Variants in CDK17 observed in about 807,000 individuals in gnomAD.
CDK17 encodes the protein cyclin-dependent kinase 17.
CDK17 carries 24 observed loss-of-function variants against 77.6 expected under a neutral mutation model. That is an observed-to-expected ratio of 0.31 (90% CI 0.22 to 0.44). CDK17 has a LOEUF of 0.44. Ranked by LOEUF, CDK17 falls within the 20% of genes least tolerant of loss-of-function variation. CDK17 has a pLI of 1.00. For missense variants in CDK17, 429 were observed against 622.5 expected (o/e 0.69, Z 3.31); for synonymous variants, 203 against 210.4 (o/e 0.96, Z 0.30).
At chr12:96,392,624 G>A (rs970525925) in intron 1 of CDK17, among the ~76,000 whole-genome samples, 3 of 152,194 alleles carry the variant, frequency 2.0e-5, no homozygotes, top group Non-Finnish European at 2.9e-5. Context: ...AAAGTTTTTG[G>A]CTTACGTGAC....
chr12:96,388,240 G>A (rs1954009291), intron 1 of CDK17, among the ~76,000 whole-genome samples: 2 of 152,208 alleles, frequency 1.3e-5, no homozygotes, highest in Non-Finnish European at 2.9e-5. Context: ...ACAGAACAGG[G>A]AAAATGGTTC....
intron 1 of CDK17, among the ~76,000 whole-genome samples, chr12:96,339,032 A>G (rs1953086405): frequency 1.3e-5 from 2 of 152,052 alleles, no homozygotes; most frequent in South Asian, 4.2e-4. Flanking sequence ...ATCCGACTAT[A>G]CAGACATCAC....
At chr12:96,290,131 T>C (rs1354339380) in intron 10 of CDK17, among the ~76,000 whole-genome samples, 1 of 152,152 alleles carries the variant, frequency 6.6e-6, no homozygotes. Context: ...CCATGGGCCA[T>C]GGGTTGGACA....
intron 10 of CDK17, among the ~76,000 whole-genome samples, chr12:96,294,724 G>A (rs1194349827): frequency 1.3e-5 from 2 of 151,566 alleles, no homozygotes; most frequent in African/African-American, 4.9e-5. Flanking sequence ...GTACAATTTT[G>A]GTAATATATT....
chr12:96,325,542 C>A, intron 2 of CDK17, among the ~76,000 whole-genome samples: 1 of 152,194 alleles, frequency 6.6e-6, no homozygotes, highest in East Asian at 1.9e-4. Context: ...GTGGCCTGAG[C>A]CTCTACGAAT....
At chr12:96,342,247 TTC>T (rs1314205348) in intron 1 of CDK17, among the ~76,000 whole-genome samples, 1 of 152,232 alleles carries the variant, frequency 6.6e-6, no homozygotes, top group Non-Finnish European at 1.5e-5. Flanking sequence ...TAAGCAAATA[TTC>T]TGTTATTTTC....
At chr12:96,392,440 A>G (rs1025770096) in intron 1 of CDK17, among the ~76,000 whole-genome samples, 1 of 152,240 alleles carries the variant, frequency 6.6e-6, no homozygotes, top group Non-Finnish European at 1.5e-5. Context: ...TTAAAATGGG[A>G]CAAAACTGGA....
At chr12:96,322,919 C>T (rs1187980112) in intron 3 of CDK17, among the ~76,000 whole-genome samples, 11 of 152,072 alleles carry the variant, frequency 7.2e-5, no homozygotes, top group Non-Finnish European at 1.6e-4. Flanking sequence ...TCTGTAGAGA[C>T]ACACCTACAG....
chr12:96,335,045 G>A (rs1227784219), intron 1 of CDK17, 180 bp from the exon 2 acceptor site: 2 of 649,978 alleles, frequency 3.1e-6, no homozygotes, highest in South Asian at 3.0e-5. Flanking sequence ...GAATAATGCT[G>A]TATTTATTTG....
At chr12:96,309,300 AC>A (rs111426921) in intron 5 of CDK17, among the ~76,000 whole-genome samples, 21,114 of 152,190 alleles carry the variant, frequency 0.14, 1,631 homozygotes, top group South Asian at 0.28. Flanking sequence ...TTTTTGACTG[AC>A]AAATTTCTGC....
intron 1 of CDK17, among the ~76,000 whole-genome samples, chr12:96,347,614 A>C (rs1648480196): frequency 5.6e-5 from 1 of 17,936 alleles, no homozygotes; most frequent in Non-Finnish European, 1.1e-4. Flanking sequence ...AAGGGAGGGG[A>C]AGGGAGGGGA....
intron 1 of CDK17, among the ~76,000 whole-genome samples, chr12:96,395,661 G>A (rs1954156900): frequency 6.6e-6 from 1 of 152,174 alleles, no homozygotes; most frequent in Admixed American, 6.6e-5. Context: ...ACATGTTGAA[G>A]TCCAAACCTC....
chr12:96,288,667 G>A (rs184688374), intron 11 of CDK17, among the ~76,000 whole-genome samples: 41 of 152,254 alleles, frequency 2.7e-4, no homozygotes, highest in African/African-American at 7.2e-4. Flanking sequence ...TGGCAATAAC[G>A]GTGTCTGAGT....
At chr12:96,387,799 C>T (rs1263212675) in intron 1 of CDK17, among the ~76,000 whole-genome samples, 2 of 150,668 alleles carry the variant, frequency 1.3e-5, no homozygotes, top group Non-Finnish European at 3.0e-5. Flanking sequence ...AAAAATCAGC[C>T]GGGCATGGTG....
intron 5 of CDK17, among the ~76,000 whole-genome samples, chr12:96,301,241 CAA>C (rs376295045): frequency 5.8e-5 from 5 of 85,576 alleles, no homozygotes; most frequent in Admixed American, 1.3e-4. Context: ...AACACTCGGC[CAA>C]AAAAAAAAAA....
intron 1 of CDK17, among the ~76,000 whole-genome samples, chr12:96,389,228 G>A (rs752841121): frequency 1.3e-5 from 2 of 151,260 alleles, no homozygotes; most frequent in Non-Finnish European, 2.9e-5. Flanking sequence ...TCCTCAGTCT[G>A]CCTCCCTAAA....
chr12:96,315,411 AGTTAT>A (rs1224608216), intron 3 of CDK17, among the ~76,000 whole-genome samples: 2 of 152,192 alleles, frequency 1.3e-5, no homozygotes, highest in Non-Finnish European at 2.9e-5. Context: ...AATACACTTC[AGTTAT>A]GTTGAGATTT....
chr12:96,307,876 C>A (rs1340999083), intron 5 of CDK17, among the ~76,000 whole-genome samples: 5 of 150,878 alleles, frequency 3.3e-5, no homozygotes, highest in Admixed American at 1.3e-4. Flanking sequence ...CTCACACACA[C>A]AGACACACAC....
chr12:96,367,740 G>A (rs1212205522), intron 1 of CDK17, among the ~76,000 whole-genome samples: 1 of 151,676 alleles, frequency 6.6e-6, no homozygotes, highest in East Asian at 1.9e-4. Flanking sequence ...TAATGAGCTG[G>A]GCACAGTGGC....
Sources: allele counts gnomAD v4.1 joint callset (sites outside exome capture counted in the v4.1 genomes callset), GRCh38; gene constraint gnomAD v4.1.1; transcripts MANE v1.5; gene names NCBI Gene and HGNC (gene_info 2026-07-23, HGNC 2026-07-21).